The following ABCC3 variants were observed in gnomAD, a reference collection of about 807,000 sequenced individuals.
The protein encoded by ABCC3 is ATP binding cassette subfamily C member 3.
Under a neutral mutation model 165.3 loss-of-function variants are expected in ABCC3, and 121 were observed. The observed-to-expected ratio is 0.73, with a 90% CI of 0.63 to 0.85. ABCC3 has a LOEUF of 0.85. Ranked by LOEUF, ABCC3 falls within the 40% of genes least tolerant of loss-of-function variation. The probability of loss-of-function intolerance (pLI) is 0.00; values close to 1 mark genes in which losing one functional copy is unlikely to be tolerated. For synonymous variants in ABCC3, 733 were observed against 810.1 expected (o/e 0.90, Z 1.62); for missense variants, 1,869 against 1,964.1 (o/e 0.95, Z 0.92).
chr17:50,657,251 G>A, intron 4 of ABCC3, 68 bp downstream of exon 4: 9 of 1,574,242 alleles, frequency 5.7e-6, no homozygotes, highest in Non-Finnish European at 7.8e-6. Flanking sequence ...AGGGTTCAAA[G>A]TCACTGCTGG....
chr17:50,659,041 G>C, intron 6 of ABCC3, 196 bp from the exon 7 acceptor site: 1 of 563,112 alleles, frequency 1.8e-6, no homozygotes, highest in Non-Finnish European at 3.0e-6. Flanking sequence ...GGTAGTGGTA[G>C]GAACTTCGGA....
chr17:50,679,280 T>A (rs1340397886), intron 25 of ABCC3: 2 of 152,370 alleles, frequency 1.3e-5, no homozygotes, highest in African/African-American at 4.8e-5. Context: ...CAAAAAACAA[T>A]CCAGAAAGGT....
chr17:50,655,319 T>C (rs1290461220), intron 1 of ABCC3, among the ~76,000 whole-genome samples: 1 of 144,714 alleles, frequency 6.9e-6, no homozygotes, highest in East Asian at 2.0e-4. Context: ...GGCAGGAGAA[T>C]CGCTTGAACC....
chr17:50,665,754 T>C (rs966632818), intron 11 of ABCC3, among the ~76,000 whole-genome samples: 4 of 151,784 alleles, frequency 2.6e-5, no homozygotes, highest in African/African-American at 4.8e-5. Flanking sequence ...TACAGGCACA[T>C]GCCACCACAC....
At chr17:50,644,036 G>A (rs1249327033) in intron 1 of ABCC3, among the ~76,000 whole-genome samples, 2 of 152,218 alleles carry the variant, frequency 1.3e-5, no homozygotes, top group East Asian at 3.9e-4. Flanking sequence ...AGGCAGGCCA[G>A]GCACAGTGGC....
intron 1 of ABCC3, among the ~76,000 whole-genome samples, chr17:50,646,725 A>T (rs569035894): frequency 1.3e-5 from 2 of 152,228 alleles, no homozygotes; most frequent in Non-Finnish European, 2.9e-5. Flanking sequence ...GCAATTGCTC[A>T]TGAAGAGATG....
chr17:50,664,191 G>A, intron 10 of ABCC3, 80 bp downstream of exon 10: 3 of 1,560,756 alleles, frequency 1.9e-6, no homozygotes, highest in Non-Finnish European at 2.6e-6. Flanking sequence ...CTGGAACTGG[G>A]AGCATGGCAC....
intron 17 of ABCC3, among the ~76,000 whole-genome samples, chr17:50,671,279 A>G (rs1478606813): frequency 1.3e-5 from 2 of 152,014 alleles, no homozygotes; most frequent in African/African-American, 2.4e-5. Context: ...AAAAAGAAAA[A>G]AAAACTTAAT....
chr17:50,668,339 T>G, intron 13 of ABCC3, 91 bp from the exon 14 acceptor site: 1 of 1,154,324 alleles, frequency 8.7e-7, no homozygotes, highest in Non-Finnish European at 1.3e-6. Context: ...CAGGGGGTCC[T>G]GCCTAGCCCA....
In ABCC3 at chr17:50,683,709, G is replaced by C. The variant is rs1383784366; in HGVS notation, c.3907G>C (p.Asp1303His). 1 of 1,609,182 alleles carries C rather than the reference G, an allele frequency of 6.2e-7. No individual in the cohort carries two copies. The highest frequency in any genetic ancestry group is 2.2e-5 in the East Asian group (1 of 44,594). ...TTCTGTGCGCTACCGGCCGGGCCTA[G>C]ACCTGGTGCTGAGAGACCTGAGTCT... Reference protein sequence around the residue: ...NYSVRYRPGLDLVLRDLSLHV... With the variant: ...NYSVRYRPGLHLVLRDLSLHV... Residue 1303 changes from aspartate (D) to histidine (H), a missense_variant, in exon 27 of 31, where the codon GAC becomes CAC. By Grantham distance (81) the Asp-to-His change is moderately conservative (BLOSUM62 -1). Transcript: ENST00000285238.
At position 50,687,608 on chromosome 17, in the gene ABCC3, G is replaced by A; in HGVS notation, c.4353G>A (p.Glu1451=). 6.2e-7 allele frequency: 1 copy of A among 1,614,248 alleles called. No homozygotes were observed. The highest frequency in any genetic ancestry group is 8.5e-7 in the Non-Finnish European group (1 of 1,180,048). ...AGAGCCGCATCCTGGTTTTAGACGAGGCCACAGCTGCCATCGACCTGGAGA... is the reference window on the plus strand; with the variant it reads ...AGAGCCGCATCCTGGTTTTAGACGAAGCCACAGCTGCCATCGACCTGGAGA... ...LRKSRILVLD[E]ATAAIDLETD... is the part of the protein sequence containing the mutation. Residue 1451 remains glutamate (E), a synonymous_variant, in exon 30 of 31, where the codon GAG becomes GAA. Transcript: ENST00000285238.
chr17:50,675,018 T>G (rs11079921), intron 19 of ABCC3, among the ~76,000 whole-genome samples: 3 of 151,976 alleles, frequency 2.0e-5, no homozygotes, highest in Admixed American at 2.0e-4. Context: ...CAGGCTGGTC[T>G]CGATCTCCTG....
chr17:50,677,547 T>C (rs1268649447), intron 23 of ABCC3, among the ~76,000 whole-genome samples, 197 bp from the exon 24 acceptor site: 1 of 151,500 alleles, frequency 6.6e-6, no homozygotes, highest in Admixed American at 6.6e-5. Flanking sequence ...GAAGCAGAGA[T>C]GATCAGAGGG....
chr17:50,690,402 C>A (rs1968101942), intron 30 of ABCC3, among the ~76,000 whole-genome samples: 1 of 152,168 alleles, frequency 6.6e-6, no homozygotes, highest in Non-Finnish European at 1.5e-5. Flanking sequence ...CAGGACACAT[C>A]TGGGAGCCCA....
Position 50,678,121 on chromosome 17 carries a change from G to A in ABCC3, c.3607G>A (p.Gly1203Arg), listed in dbSNP as rs1967863551. The part of the protein sequence containing the change: ...RWLSIGVEFV[G>R]NCVVLFAALF... Reference sequence around the variant, plus strand: ...GCTGAGCATCGGAGTGGAGTTCGTGGGGAACTGCGTGGTGCTCTTTGCTGC... The same window carrying A: ...GCTGAGCATCGGAGTGGAGTTCGTGAGGAACTGCGTGGTGCTCTTTGCTGC... Residue 1203 changes from glycine to arginine, a missense_variant, in exon 25 of 31, where the codon GGG becomes AGG. Coordinates refer to ENST00000285238, the MANE Select transcript of ABCC3 (RefSeq NM_003786.4). 1.9e-6 allele frequency: 3 copies of A among 1,591,504 alleles called. No individual in the cohort carries two copies. The highest frequency in any genetic ancestry group is 8.6e-7 in the Non-Finnish European group (1 of 1,167,964).
intron 4 of ABCC3, among the ~76,000 whole-genome samples, chr17:50,657,495 T>TG (rs1967277890): frequency 6.6e-6 from 1 of 152,176 alleles, no homozygotes; most frequent in African/African-American, 2.4e-5. Flanking sequence ...AATGAACACA[T>TG]GTATGCAGAC....
chr17:50,635,146 C>A, intron 1 of ABCC3, 165 bp downstream of exon 1: 1 of 747,814 alleles, frequency 1.3e-6, no homozygotes, highest in Non-Finnish European at 1.9e-6. Context: ...GGGAGGTTGG[C>A]TGCGCCGCCC....
rs1163741242 is a variant in ABCC3 at position 50,674,034 on chromosome 17, CTCTTTCTTTCTT to C, written c.2599+406_2599+417del. Among the ~76,000 whole-genome samples the C allele has an allele frequency of 2.4e-3, 11 of 4,508 alleles. 2 individuals are homozygous for C. The highest frequency in any genetic ancestry group is 0.017 in the African/African-American group (11 of 658). The allele number at this position is 4,508 out of a possible 152,430, so 3.0% of individuals were successfully genotyped here. On this transcript the variant is annotated intron_variant, in intron 19 of 30. Coordinates refer to ENST00000285238, the MANE Select transcript of ABCC3 (RefSeq NM_003786.4). ...TCTCTCTCTCTCTCTCTCTCTCTCT[CTCTTTCTTTCTT>C]TCTTTCTTTCTTTCTTTCTTTCTTT... is the stretch of plus-strand genomic sequence containing the variant.
intron 2 of ABCC3, 98 bp from the exon 3 acceptor site, chr17:50,656,604 C>A: frequency 6.7e-7 from 1 of 1,488,474 alleles, no homozygotes; most frequent in South Asian, 1.3e-5. Context: ...CCAGGCAGGT[C>A]TAGTGGATTC....
Sources: gnomAD v4.1 joint callset for allele counts (sites outside exome capture counted in the v4.1 genomes callset) on GRCh38, gnomAD v4.1.1 for gene constraint, MANE v1.5 for transcripts, NCBI Gene and HGNC (gene_info 2026-07-23, HGNC 2026-07-21) for gene names.